Variants in SUDS3 observed in about 807,000 individuals in gnomAD.
The protein encoded by SUDS3 is SIN3A corepressor complex component SDS3, also known as sin3 histone deacetylase corepressor complex component SDS3.
A neutral mutation model predicts 53.5 loss-of-function variants in SUDS3; 23 were observed. The observed-to-expected ratio is 0.43, with a 90% CI of 0.31 to 0.61. The LOEUF is 0.61. Among genes scored for constraint, SUDS3 ranks in the 20% least tolerant of loss-of-function variants. The probability of loss-of-function intolerance (pLI) is 0.10; values close to 1 mark genes in which losing one functional copy is unlikely to be tolerated. For missense variants in SUDS3, 291 were observed against 405.9 expected, an observed-to-expected ratio of 0.72 and a Z score of 2.43; for synonymous variants, 150 against 148.5, an observed-to-expected ratio of 1.01 and a Z score of -0.08.
At chr12:118,390,484 C>T (rs1007417937) in intron 5 of SUDS3, among the ~76,000 whole-genome samples, 8 of 152,088 alleles carry the variant, frequency 5.3e-5, no homozygotes, top group Non-Finnish European at 4.4e-5. Context: ...TTGAGAAAGT[C>T]ATGGTTTTTC....
At chr12:118,379,744 A>G (rs1421856035) in intron 1 of SUDS3, among the ~76,000 whole-genome samples, 1 of 152,216 alleles carries the variant, frequency 6.6e-6, no homozygotes, top group Non-Finnish European at 1.5e-5. Flanking sequence ...TTGTTTCTGC[A>G]GAAGTAGCAG....
At chr12:118,381,792 C>T (rs1258250015) in intron 2 of SUDS3, among the ~76,000 whole-genome samples, 1 of 152,122 alleles carries the variant, frequency 6.6e-6, no homozygotes, top group Non-Finnish European at 1.5e-5. Context: ...TTCAGAGAAA[C>T]GAAAACCTCA....
chr12:118,396,021 G>A (rs1223202726), intron 6 of SUDS3, among the ~76,000 whole-genome samples: 2 of 151,966 alleles, frequency 1.3e-5, no homozygotes, highest in African/African-American at 2.4e-5. Context: ...AACCTTAGGC[G>A]CTCTTCTGTT....
chr12:118,377,989 G>A (rs1383019382), intron 1 of SUDS3, among the ~76,000 whole-genome samples: 1 of 152,228 alleles, frequency 6.6e-6, no homozygotes, highest in Non-Finnish European at 1.5e-5. Context: ...GACATACAAA[G>A]TTGAGGGACT....
At chr12:118,402,132 C>A (rs919291096) in intron 9 of SUDS3, 128 bp downstream of exon 9, 2 of 1,073,836 alleles carry the variant, frequency 1.9e-6, no homozygotes, top group South Asian at 2.8e-5. Flanking sequence ...TAAGAGTAGT[C>A]ATCATGAAAA....
At chr12:118,403,365 C>A (rs760433529) in intron 9 of SUDS3, 47 bp from the exon 10 acceptor site, 2 of 1,415,470 alleles carry the variant, frequency 1.4e-6, no homozygotes, top group Non-Finnish European at 2.0e-6. Context: ...GGTAGACTCG[C>A]ATGTGTTTGT....
In SUDS3 at chr12:118,403,394, A is replaced by C; in HGVS notation, c.698-18A>C. ...TGTTTGTTACATTCTTAGTCACGTA[A>C]GTATTGGTTTCCTCCAGCATCTCCA... On this transcript the variant is annotated intron_variant, in intron 9 of 11. Transcript: ENST00000543473. 6.3e-7 allele frequency: 1 copy of C among 1,599,240 alleles called. No individual in the cohort carries two copies. The highest frequency in any genetic ancestry group is 8.6e-7 in the Non-Finnish European group (1 of 1,168,294).
At chr12:118,409,554 A>G (rs1357780190) in intron 10 of SUDS3, among the ~76,000 whole-genome samples, 1 of 152,258 alleles carries the variant, frequency 6.6e-6, no homozygotes, top group Non-Finnish European at 1.5e-5. Flanking sequence ...TAGACTGGAA[A>G]AAGCTCATTA....
In SUDS3 at chr12:118,414,350, A is replaced by T; in HGVS notation, c.904A>T (p.Thr302Ser). 6.2e-7 allele frequency: 1 copy of T among 1,605,330 alleles called. No individual in the cohort carries two copies. The highest frequency in any genetic ancestry group is 8.5e-7 in the Non-Finnish European group (1 of 1,175,960). ...TCCCCTGCAGATCTGGGTGAGGAAG[A>T]CAAGTGACAGCACCAAGATGAGGAT... is the stretch of plus-strand genomic sequence containing the variant. Reference protein sequence around the residue: ...VGANEIWVRKTSDSTKMRIYL... With the variant: ...VGANEIWVRKSSDSTKMRIYL... The change falls in exon 12 of 12, where the codon ACA becomes TCA. Residue 302 changes from threonine to serine, a missense_variant. By Grantham distance (58) the Thr-to-Ser change is moderately conservative. Coordinates refer to ENST00000543473, the MANE Select transcript of SUDS3 (RefSeq NM_022491.3).
At chr12:118,378,020 A>G (rs965472152) in intron 1 of SUDS3, among the ~76,000 whole-genome samples, 5 of 152,248 alleles carry the variant, frequency 3.3e-5, no homozygotes, top group Admixed American at 1.3e-4. Context: ...TAATTCCATC[A>G]GAAGACACGG....
intron 10 of SUDS3, among the ~76,000 whole-genome samples, chr12:118,410,652 A>G (rs906111718): frequency 6.6e-6 from 1 of 151,514 alleles, no homozygotes; most frequent in African/African-American, 2.4e-5. Flanking sequence ...GCTGGAGTGC[A>G]GTGGCGCCAT....
intron 7 of SUDS3, among the ~76,000 whole-genome samples, chr12:118,401,220 C>T (rs145391765): frequency 6.6e-6 from 1 of 152,156 alleles, no homozygotes; most frequent in Non-Finnish European, 1.5e-5. Context: ...ATAAAGCAGC[C>T]CTTTAATCAT....
chr12:118,377,091 C>T (rs569870397), intron 1 of SUDS3, among the ~76,000 whole-genome samples: 34 of 152,128 alleles, frequency 2.2e-4, no homozygotes, highest in South Asian at 4.2e-4. Context: ...AAGACCCCGT[C>T]CTCCCTCCCA....
chr12:118,402,209 T>G (rs1183484051), intron 9 of SUDS3: 6 of 563,816 alleles, frequency 1.1e-5, no homozygotes, highest in Non-Finnish European at 1.9e-5. Context: ...CTTTGTTGTT[T>G]TTATTTTTTT....
intron 2 of SUDS3, among the ~76,000 whole-genome samples, chr12:118,382,610 TC>T (rs1268649273): frequency 1.3e-5 from 2 of 151,604 alleles, no homozygotes; most frequent in Non-Finnish European, 2.9e-5. Flanking sequence ...CAAGCATTCC[TC>T]CTGTTTCGGC....
At chr12:118,413,339 C>T (rs2141396775) in intron 11 of SUDS3, among the ~76,000 whole-genome samples, 1 of 152,260 alleles carries the variant, frequency 6.6e-6, no homozygotes, top group East Asian at 1.9e-4. Context: ...TTGCATGTTA[C>T]AGAAAAACAG....
Position 118,391,207 on chromosome 12 carries a change from G to A in SUDS3, c.442G>A (p.Glu148Lys). 6.2e-7 allele frequency: 1 copy of A among 1,613,792 alleles called. No individual in the cohort carries two copies. Among genetic ancestry groups the A allele is most frequent in the South Asian group, 1.1e-5 (1 of 91,056 alleles). Residue 148 changes from glutamate to lysine, a missense_variant, in exon 6 of 12, where the codon GAG becomes AAG. Around this residue, in one of 4 missense-constraint regions of SUDS3, gnomAD observed 55 missense variants for 124.2 expected, o/e 0.44. Coordinates refer to ENST00000543473, the MANE Select transcript of SUDS3 (RefSeq NM_022491.3). ...TGAAGACAAGAAGGTTGAGCTGAAA[G>A]AGAACCTGATTGCTGAGCTAGAAGA... ...EFEDKKVELK[E>K]NLIAELEEKK...
chr12:118,397,737 T>A (rs945025371), intron 6 of SUDS3, among the ~76,000 whole-genome samples: 2 of 152,036 alleles, frequency 1.3e-5, no homozygotes, highest in Non-Finnish European at 1.5e-5. Flanking sequence ...TTTTTTTTTT[T>A]ACCATTTCAT....
rs2046320828 is a variant in SUDS3, at chr12:118,407,763, G to A, written c.804-3310G>A. 3.3e-5 allele frequency among the ~76,000 whole-genome samples: 5 copies of A among 149,956 alleles called. No individual in the cohort carries two copies. In the South Asian group the frequency reaches 8.5e-4, roughly 25 times the overall value. On this transcript the variant is annotated intron_variant, in intron 10 of 11. Coordinates refer to ENST00000543473, the MANE Select transcript of SUDS3 (RefSeq NM_022491.3). ...AGACAGAGTCTCGCTCTGTCGCCCA[G>A]GCTGGAGTGCAGTGGCGCAATCTTG...
Sources: gnomAD v4.1 joint callset for allele counts (sites outside exome capture counted in the v4.1 genomes callset) on GRCh38, gnomAD v4.1.1 for gene constraint, gnomAD v4.1.1 regional missense constraint, MANE v1.5 for transcripts, NCBI Gene and HGNC (gene_info 2026-07-23, HGNC 2026-07-21) for gene names.